The following CLNS1A variants were observed in gnomAD, a reference collection of about 807,000 sequenced individuals.
CLNS1A encodes the protein methylosome subunit pICln.
Under a neutral mutation model 29.4 loss-of-function variants are expected in CLNS1A, and 16 were observed. That is an observed-to-expected ratio of 0.54 (90% CI 0.37 to 0.83). The LOEUF (loss-of-function observed/expected upper bound fraction) is 0.83, where lower values mean the gene tolerates loss of function less well. CLNS1A is among the 40% of genes least tolerant of loss of function. CLNS1A has a pLI of 0.00. For synonymous variants in CLNS1A, 96 were observed against 104.8 expected (o/e 0.92, Z 0.51); for missense variants, 235 against 287.4 (o/e 0.82, Z 1.32).
intron 5 of CLNS1A, among the ~76,000 whole-genome samples, chr11:77,622,278 A>G (rs1958965774): frequency 6.6e-6 from 1 of 152,230 alleles, no homozygotes; most frequent in African/African-American, 2.4e-5. Flanking sequence ...GCACATTAAA[A>G]AAATTTTTTT....
intron 6 of CLNS1A, 85 bp from the exon 7 acceptor site, chr11:77,616,780 A>C (rs1958909157): frequency 6.6e-6 from 1 of 152,230 alleles, no homozygotes; most frequent in Admixed American, 6.5e-5. Flanking sequence ...CGAGTGCCAG[A>C]GGACTTAGGT....
At chr11:77,619,793 C>T in intron 5 of CLNS1A, 98 bp from the exon 6 acceptor site, 1 of 851,594 alleles carries the variant, frequency 1.2e-6, no homozygotes, top group Non-Finnish European at 2.0e-6. Context: ...GTGCCCTCTG[C>T]TGGTAAGAAT....
intron 5 of CLNS1A, among the ~76,000 whole-genome samples, chr11:77,621,368 G>A (rs1442119000): frequency 6.6e-6 from 1 of 151,798 alleles, no homozygotes; most frequent in African/African-American, 2.4e-5. Context: ...AAGACTGAAA[G>A]GATATGCAAC....
intron 2 of CLNS1A, among the ~76,000 whole-genome samples, chr11:77,627,881 A>G (rs897913655): frequency 6.6e-6 from 1 of 152,076 alleles, no homozygotes; most frequent in Non-Finnish European, 1.5e-5. Flanking sequence ...GCTGGAGTGC[A>G]GTGGCGCGAT....
intron 2 of CLNS1A, among the ~76,000 whole-genome samples, chr11:77,628,926 GTATAATAA>G (rs1565128227): frequency 6.6e-6 from 1 of 152,250 alleles, no homozygotes; most frequent in Admixed American, 6.5e-5. Context: ...AGAATATTTA[GTATAATAA>G]TAGCATCCTT....
intron 6 of CLNS1A, 107 bp downstream of exon 6, chr11:77,619,499 G>T: frequency 1.3e-6 from 1 of 750,540 alleles, no homozygotes. Context: ...ACTCTAGCCT[G>T]GGTGACAGAG....
chr11:77,623,649 T>A (rs1958986515), intron 4 of CLNS1A, among the ~76,000 whole-genome samples: 1 of 151,862 alleles, frequency 6.6e-6, no homozygotes, highest in African/African-American at 2.4e-5. Context: ...AAATTTTAAA[T>A]CACTCAAAAA....
At chr11:77,631,156 AGTG>A (rs1233939829) in intron 1 of CLNS1A, among the ~76,000 whole-genome samples, 1 of 152,162 alleles carries the variant, frequency 6.6e-6, no homozygotes, top group Non-Finnish European at 1.5e-5. Context: ...ACTCATGTTC[AGTG>A]GAAGGGGAGG....
intron 5 of CLNS1A, 59 bp downstream of exon 5, chr11:77,622,441 A>C: frequency 7.8e-7 from 1 of 1,280,182 alleles, no homozygotes; most frequent in Middle Eastern, 2.7e-4. Context: ...TCTATTGACT[A>C]TCCATAACTT....
chr11:77,633,268 A>T (rs997586606), intron 1 of CLNS1A, among the ~76,000 whole-genome samples: 2 of 152,182 alleles, frequency 1.3e-5, no homozygotes, highest in African/African-American at 4.8e-5. Flanking sequence ...TGCTGCCATT[A>T]AAGTTTGCTG....
rs1419047534 is a variant in CLNS1A, at chr11:77,614,615, G to C, written c.*2103C>G. On this transcript the variant is annotated 3_prime_UTR_variant, in exon 7 of 7. Coordinates refer to ENST00000525428, the MANE Select transcript of CLNS1A (RefSeq NM_001293.3). ...GCCCACCTGAGCCTCCCAAAGTGCT[G>C]GGATTACAGGTGTGAGCCACCACGT... The C allele has an allele frequency of 6.6e-6, 1 of 152,284 alleles. No homozygotes were observed. Among genetic ancestry groups the C allele is most frequent in the Non-Finnish European group, 1.5e-5 (1 of 68,110 alleles). 9.4% of individuals were successfully genotyped at this position (152,284 alleles called of 1,614,324 possible).
chr11:77,634,694 A>T (rs1175796808), intron 1 of CLNS1A, among the ~76,000 whole-genome samples: 1 of 149,328 alleles, frequency 6.7e-6, no homozygotes, highest in African/African-American at 2.5e-5. Context: ...ACTGCACTCC[A>T]GCCTGGGCGA....
intron 1 of CLNS1A, among the ~76,000 whole-genome samples, chr11:77,637,238 C>A: frequency 1.5e-4 from 1 of 6,724 alleles, no homozygotes; most frequent in Non-Finnish European, 2.4e-4. Context: ...AGTAAATAGG[C>A]GAGTTAAAAA....
At chr11:77,628,328 A>G (rs1274958375) in intron 2 of CLNS1A, among the ~76,000 whole-genome samples, 1 of 152,258 alleles carries the variant, frequency 6.6e-6, no homozygotes, top group African/African-American at 2.4e-5. Flanking sequence ...TTTAAACTAA[A>G]CATGACACAT....
Position 77,615,731 on chromosome 11 carries a change from G to C in CLNS1A, c.*987C>G, listed in dbSNP as rs1202675644. 1 of 152,064 alleles carries C rather than the reference G, an allele frequency of 6.6e-6. No homozygotes were observed. Among genetic ancestry groups the C allele is most frequent in the Non-Finnish European group, 1.5e-5 (1 of 68,014 alleles). 9.4% of individuals were successfully genotyped at this position (152,064 alleles called of 1,614,324 possible). On this transcript the variant is annotated 3_prime_UTR_variant, in exon 7 of 7. Transcript: ENST00000525428. The stretch of plus-strand genomic sequence containing the variant: ...AGTGACAGTGCTGAAATGAACACTG[G>C]GCTGAGTGGTACCAAACATCAGTTT...
chr11:77,629,260 T>A (rs1959050334), intron 2 of CLNS1A, among the ~76,000 whole-genome samples: 1 of 152,200 alleles, frequency 6.6e-6, no homozygotes, highest in Non-Finnish European at 1.5e-5. Context: ...GAGAAATATA[T>A]ACAGACACAC....
chr11:77,622,858 G>A (rs1009884321), intron 4 of CLNS1A, among the ~76,000 whole-genome samples, 185 bp from the exon 5 acceptor site: 3 of 151,068 alleles, frequency 2.0e-5, no homozygotes, highest in African/African-American at 7.3e-5. Flanking sequence ...TGAGGCAGGA[G>A]AATCGCTTGA....
chr11:77,622,313 T>C (rs980697435), intron 5 of CLNS1A, 187 bp downstream of exon 5: 4 of 582,584 alleles, frequency 6.9e-6, no homozygotes, highest in Non-Finnish European at 1.2e-5. Context: ...ACTTTTTTGG[T>C]AATGAGGAAA....
chr11:77,628,735 T>G (rs1212628215), intron 2 of CLNS1A, among the ~76,000 whole-genome samples: 1 of 152,248 alleles, frequency 6.6e-6, no homozygotes, highest in Non-Finnish European at 1.5e-5. Flanking sequence ...TCTTACACAC[T>G]ACTTCAAAGA....
Sources: gnomAD v4.1 joint callset for allele counts (sites outside exome capture counted in the v4.1 genomes callset) on GRCh38, gnomAD v4.1.1 for gene constraint, MANE v1.5 for transcripts, NCBI Gene and HGNC (gene_info 2026-07-23, HGNC 2026-07-21) for gene names.